The following GRM5 variants were observed in gnomAD, a reference collection of about 807,000 sequenced individuals.
GRM5 encodes glutamate metabotropic receptor 5.
In GRM5, 19 loss-of-function variants were observed where a neutral mutation model predicts 83.1. That is an observed-to-expected ratio of 0.23 (90% confidence interval 0.16 to 0.34). The LOEUF (loss-of-function observed/expected upper bound fraction) is 0.34. Ranked by LOEUF, GRM5 falls within the 10% of genes least tolerant of loss-of-function variation. The pLI is 1.00. For missense variants in GRM5, 1,160 were observed against 1,588.3 expected (o/e 0.73, Z 4.58); for synonymous variants, 675 against 633.6 (o/e 1.07, Z -0.98).
At chr11:89,054,175 A>G (rs1289085525) in intron 1 of GRM5, among the ~76,000 whole-genome samples, 1 of 152,190 alleles carries the variant, frequency 6.6e-6, no homozygotes, top group African/African-American at 2.4e-5. Context: ...GAGAGATGAT[A>G]GTCGTTGGAT....
At chr11:88,511,055 T>A (rs769192902) in intron 9 of GRM5, among the ~76,000 whole-genome samples, 2 of 152,206 alleles carry the variant, frequency 1.3e-5, no homozygotes, top group Non-Finnish European at 2.9e-5. Context: ...GTCAAAGATA[T>A]AAGATGTGAC....
intron 1 of GRM5, chr11:89,063,501 G>A (rs1298360737): frequency 2.0e-5 from 3 of 152,516 alleles, no homozygotes; most frequent in South Asian, 4.1e-4. Flanking sequence ...GCTGCGCTGC[G>A]AGCAGTGAGA....
intron 4 of GRM5, among the ~76,000 whole-genome samples, chr11:88,649,078 A>T (rs142711849): frequency 0.02 from 2,946 of 144,992 alleles, 80 homozygotes; most frequent in East Asian, 0.12. Context: ...ATAATATATA[A>T]TACATATATT....
chr11:88,912,343 A>G (rs1201870364), intron 2 of GRM5, among the ~76,000 whole-genome samples: 1 of 151,642 alleles, frequency 6.6e-6, no homozygotes, highest in African/African-American at 2.4e-5. Flanking sequence ...AAGGAACTTT[A>G]TTCTCTCATA....
chr11:88,808,970 G>A (rs1342377808), intron 3 of GRM5, among the ~76,000 whole-genome samples: 2 of 151,952 alleles, frequency 1.3e-5, no homozygotes, highest in African/African-American at 2.4e-5. Context: ...TATATCCATG[G>A]GGAAGAATAG....
chr11:88,925,715 C>G, intron 2 of GRM5: 1 of 453,038 alleles, frequency 2.2e-6, no homozygotes, highest in South Asian at 1.5e-5. Context: ...AGTTGAAGAC[C>G]AGCCTGGCCA....
At chr11:88,948,104 A>G (rs928162197) in intron 2 of GRM5, among the ~76,000 whole-genome samples, 11 of 152,190 alleles carry the variant, frequency 7.2e-5, no homozygotes, top group African/African-American at 2.7e-4. Flanking sequence ...TCTCAGCCAG[A>G]GAAGTCCCGA....
At chr11:88,530,539 C>T (rs535477941) in intron 8 of GRM5, among the ~76,000 whole-genome samples, 43 of 152,100 alleles carry the variant, frequency 2.8e-4, no homozygotes, top group African/African-American at 9.9e-4. Flanking sequence ...TCTGGTAAAT[C>T]TAAAAGATGT....
chr11:88,592,822 T>G (rs1488613232), intron 6 of GRM5, among the ~76,000 whole-genome samples: 1 of 152,208 alleles, frequency 6.6e-6, no homozygotes, highest in Non-Finnish European at 1.5e-5. Context: ...TTTATTTATT[T>G]TATTTTTTGA....
intron 3 of GRM5, among the ~76,000 whole-genome samples, chr11:88,807,832 T>A (rs1943522758): frequency 6.6e-6 from 1 of 152,074 alleles, no homozygotes; most frequent in Non-Finnish European, 1.5e-5. Context: ...AAAAATGTGC[T>A]AAGAGAAACT....
intron 3 of GRM5, among the ~76,000 whole-genome samples, chr11:88,728,610 AC>A: frequency 6.6e-6 from 1 of 152,346 alleles, no homozygotes; most frequent in Non-Finnish European, 1.5e-5. Flanking sequence ...AGGAACATCA[AC>A]ATGAAAATCC....
At chr11:88,981,849 G>A (rs1390277372) in intron 2 of GRM5, among the ~76,000 whole-genome samples, 1 of 152,112 alleles carries the variant, frequency 6.6e-6, no homozygotes, top group Non-Finnish European at 1.5e-5. Flanking sequence ...GGTTAAATTA[G>A]ATCAGGCAAA....
intron 2 of GRM5, among the ~76,000 whole-genome samples, chr11:88,995,514 C>T (rs1940154729): frequency 1.5e-5 from 2 of 132,570 alleles, no homozygotes; most frequent in South Asian, 4.7e-4. Flanking sequence ...CACTGCACTC[C>T]AGCCTGGCAA....
chr11:88,580,980 C>T (rs370261291), intron 7 of GRM5, among the ~76,000 whole-genome samples: 4 of 152,034 alleles, frequency 2.6e-5, no homozygotes, highest in Admixed American at 1.3e-4. Flanking sequence ...TGGTGGCATG[C>T]GCCTGTAGTC....
At chr11:89,014,889 T>G (rs1940810110) in intron 2 of GRM5, among the ~76,000 whole-genome samples, 1 of 152,206 alleles carries the variant, frequency 6.6e-6, no homozygotes, top group Admixed American at 6.5e-5. Flanking sequence ...TGCTTGGTTC[T>G]GGCACCGCCT....
At chr11:88,756,601 A>C (rs1942398191) in intron 3 of GRM5, among the ~76,000 whole-genome samples, 1 of 152,170 alleles carries the variant, frequency 6.6e-6, no homozygotes, top group Non-Finnish European at 1.5e-5. Context: ...TTATATAGCA[A>C]CTATGTTATA....
intron 2 of GRM5, among the ~76,000 whole-genome samples, chr11:88,931,329 T>C (rs1937698235): frequency 6.6e-6 from 1 of 152,012 alleles, no homozygotes; most frequent in Admixed American, 6.6e-5. Context: ...GTAAAATATA[T>C]ACCACTTTAA....
intron 3 of GRM5, among the ~76,000 whole-genome samples, chr11:88,692,015 C>A (rs1940792399): frequency 6.6e-6 from 1 of 152,206 alleles, no homozygotes; most frequent in Non-Finnish European, 1.5e-5. Context: ...ATCTGCTATA[C>A]CTCTCTCCAG....
At chr11:88,980,245 G>C (rs926867624) in intron 2 of GRM5, among the ~76,000 whole-genome samples, 3 of 152,056 alleles carry the variant, frequency 2.0e-5, no homozygotes, top group African/African-American at 7.2e-5. Flanking sequence ...AATTAAAATG[G>C]CTAAAAATAA....
Sources: gnomAD v4.1 joint callset for allele counts (sites outside exome capture counted in the v4.1 genomes callset) on GRCh38, gnomAD v4.1.1 for gene constraint, MANE v1.5 for transcripts, NCBI Gene and HGNC (gene_info 2026-07-23, HGNC 2026-07-21) for gene names.